Variants in DBF4B observed in about 807,000 individuals in gnomAD.
DBF4B encodes the protein protein DBF4 homolog B.
A neutral mutation model predicts 53.4 loss-of-function variants in DBF4B; 49 were observed. The observed-to-expected ratio is 0.92, with a 90% confidence interval of 0.73 to 1.16. The LOEUF (loss-of-function observed/expected upper bound fraction) is 1.16. DBF4B is among the 50% of genes most tolerant of loss of function. DBF4B has a pLI of 0.00. For synonymous variants in DBF4B, 257 were observed against 288.7 expected (o/e 0.89, Z 1.11); for missense variants, 692 against 775.0 (o/e 0.89, Z 1.27).
rs1015603758 is a variant in DBF4B at position 44,751,619 on chromosome 17, T to C, written c.*366T>C. Reference sequence around the variant, plus strand: ...CTCCTCTCCTGGAAAACACTTGAGTTGATTCAGTAAATCGACTTCAAATAC... The same window carrying C: ...CTCCTCTCCTGGAAAACACTTGAGTCGATTCAGTAAATCGACTTCAAATAC... On this transcript the variant is annotated 3_prime_UTR_variant, in exon 14 of 14. Coordinates refer to ENST00000315005, the MANE Select transcript of DBF4B (RefSeq NM_145663.3). The C allele has an allele frequency of 2.9e-6, 4 of 1,364,240 alleles. No homozygotes were observed. The African/African-American group carries it at 5.8e-5, about 20-fold the overall frequency. The allele number at this position is 1,364,240 out of a possible 1,614,324, so 84.5% of individuals were successfully genotyped here.
Position 44,737,818 on chromosome 17 carries a change from A to G in DBF4B, c.668-561A>G, listed in dbSNP as rs532383473. Among the ~76,000 whole-genome samples, 3 of 152,238 alleles carry G rather than the reference A, an allele frequency of 2.0e-5. No homozygotes were observed. The South Asian group carries it at 6.2e-4, about 32-fold the overall frequency. ...ATTTTACCTGTGATATTTTTCTACCATCCTGCTAATAAGACCACTAAACAC... is the reference window on the plus strand; with the variant it reads ...ATTTTACCTGTGATATTTTTCTACCGTCCTGCTAATAAGACCACTAAACAC... On this transcript the variant is annotated intron_variant, in intron 8 of 13. Coordinates refer to ENST00000315005, the MANE Select transcript of DBF4B (RefSeq NM_145663.3).
chr17:44,734,918 G>A (rs1266166137), intron 7 of DBF4B, among the ~76,000 whole-genome samples: 2 of 152,140 alleles, frequency 1.3e-5, no homozygotes, highest in African/African-American at 4.8e-5. Context: ...AGCCTGGCCA[G>A]TGTGGTGAAA....
Position 44,748,257 on chromosome 17 carries a change from G to A in DBF4B, c.1065-84G>A. 3 of 1,501,462 alleles carry A rather than the reference G, an allele frequency of 2.0e-6. No individual in the cohort carries two copies. In the South Asian group the frequency reaches 4.0e-5, roughly 20 times the overall value. The allele number at this position is 1,501,462 out of a possible 1,614,324, so 93.0% of individuals were successfully genotyped here. A position where few individuals can be genotyped will look rare whatever the true frequency, so the allele number is the denominator to read the frequency against. ...TCTCGGCACATGAACCGCCAGCTGT[G>A]GCAGCTCTCCCTGTGCCCTCAGCCC... On this transcript the variant is annotated intron_variant, in intron 12 of 13. Coordinates refer to ENST00000315005, the MANE Select transcript of DBF4B (RefSeq NM_145663.3).
Position 44,750,696 on chromosome 17 carries a change from C to T in DBF4B, c.1291C>T (p.Leu431=), listed in dbSNP as rs974974553. The T allele has an allele frequency of 6.2e-7, 1 of 1,614,012 alleles. No individual in the cohort carries two copies. The highest frequency in any genetic ancestry group is 1.3e-5 in the African/African-American group (1 of 74,936). The part of the protein sequence containing the change: ...SHTCVSATTL[L]PALPKGSREQ... ...CACATGTGTGAGTGCCACAACCCTC[C>T]TGCCGGCCTTGCCCAAGGGCTCCAG... Residue 431 remains leucine (L), a synonymous_variant, in exon 14 of 14, where the codon CTG becomes TTG. Transcript: ENST00000315005.
At chr17:44,727,073 TG>T in intron 3 of DBF4B, among the ~76,000 whole-genome samples, 1 of 102,274 alleles carries the variant, frequency 9.8e-6, no homozygotes, top group South Asian at 3.3e-4. Flanking sequence ...CACTCCAGCC[TG>T]GGCAACAAAG....
intron 5 of DBF4B, 138 bp downstream of exon 5, chr17:44,731,153 C>T: frequency 1.0e-6 from 1 of 1,001,072 alleles, no homozygotes. Context: ...TTTCCTTCTT[C>T]TACATCAGGT....
chr17:44,721,914 C>G (rs1973885006), intron 2 of DBF4B, among the ~76,000 whole-genome samples: 1 of 151,844 alleles, frequency 6.6e-6, no homozygotes, highest in Admixed American at 6.6e-5. Context: ...GCGAGCAGAT[C>G]ACCTGAGGTC....
At chr17:44,710,181 GAAA>G (rs532452254) in intron 2 of DBF4B, among the ~76,000 whole-genome samples, 76 of 147,470 alleles carry the variant, frequency 5.2e-4, no homozygotes, top group African/African-American at 1.8e-3. Context: ...TCAAAAAAAA[GAAA>G]AAAAAAATAC....
chr17:44,739,977 C>G (rs1024883179), intron 9 of DBF4B, among the ~76,000 whole-genome samples: 1 of 152,192 alleles, frequency 6.6e-6, no homozygotes. Context: ...GTTGGCCTGG[C>G]TGATCACAAA....
In DBF4B at chr17:44,752,074, A is replaced by T; in HGVS notation, c.*821A>T. ...CGCTGAGCCTTTCACTTCTCGGCAG[A>T]TGTGACCGATTGGTAGCTCCACCCC... On this transcript the variant is annotated 3_prime_UTR_variant, in exon 14 of 14. Coordinates refer to ENST00000315005, the MANE Select transcript of DBF4B (RefSeq NM_145663.3). The T allele has an allele frequency of 7.5e-7, 1 of 1,325,348 alleles. No individual in the cohort carries two copies. The highest frequency in any genetic ancestry group is 1.5e-5 in the African/African-American group (1 of 68,770). The allele number at this position is 1,325,348 out of a possible 1,614,324, so 82.1% of individuals were successfully genotyped here.
At chr17:44,736,192 C>T (rs1340091537) in intron 7 of DBF4B, among the ~76,000 whole-genome samples, 2 of 151,476 alleles carry the variant, frequency 1.3e-5, no homozygotes, top group African/African-American at 4.9e-5. Flanking sequence ...CTATGCTGCC[C>T]AGGCTGGTCT....
intron 11 of DBF4B, 96 bp from the exon 12 acceptor site, chr17:44,747,295 C>T: frequency 6.3e-7 from 1 of 1,594,382 alleles, no homozygotes; most frequent in African/African-American, 1.3e-5. Context: ...CTATGGCTGT[C>T]CTCCAGGGCC....
chr17:44,710,210 C>T (rs187380087), intron 2 of DBF4B, among the ~76,000 whole-genome samples: 1 of 152,246 alleles, frequency 6.6e-6, no homozygotes, highest in African/African-American at 2.4e-5. Context: ...ACTTTTACTT[C>T]TGGATTGTTA....
Position 44,719,975 on chromosome 17 carries a change from C to T in DBF4B, c.83-2905C>T, listed in dbSNP as rs539457630. 1.5e-5 allele frequency: 3 copies of T among 202,918 alleles called. 1 individual carries two copies. In the South Asian group the frequency reaches 3.0e-4, roughly 20 times the overall value. The allele number at this position is 202,918 out of a possible 1,614,324, so 12.6% of individuals were successfully genotyped here. A position where few individuals can be genotyped will look rare whatever the true frequency, so the allele number is the denominator to read the frequency against. On this transcript the variant is annotated intron_variant, in intron 2 of 13. Transcript: ENST00000315005. ...GGCTTCCACACCTTCTTAAAGTAAG[C>T]ACCAGTAAGACGTTTTGCAATTTTT...
intron 3 of DBF4B, among the ~76,000 whole-genome samples, chr17:44,726,286 G>GC (rs1974319148): frequency 1.5e-5 from 1 of 65,492 alleles, no homozygotes; most frequent in Non-Finnish European, 3.4e-5. Flanking sequence ...ATCGCACCCG[G>GC]CCCTTTTTTA....
intron 10 of DBF4B, among the ~76,000 whole-genome samples, chr17:44,743,028 A>T (rs1406779478): frequency 2.6e-5 from 4 of 152,214 alleles, no homozygotes; most frequent in African/African-American, 4.8e-5. Context: ...GAGGGAAAAA[A>T]TTAAGGGAAT....
chr17:44,752,069 G>C lies in DBF4B; in HGVS notation c.*816G>C, dbSNP rs940785211. ...CTTCTCGCTGAGCCTTTCACTTCTC[G>C]GCAGATGTGACCGATTGGTAGCTCC... On this transcript the variant is annotated 3_prime_UTR_variant, in exon 14 of 14. Transcript: ENST00000315005. 2.2e-6 allele frequency: 3 copies of C among 1,370,826 alleles called. No homozygotes were observed. The Admixed American group carries it at 5.9e-5, about 27-fold the overall frequency. The allele number at this position is 1,370,826 out of a possible 1,614,324, so 84.9% of individuals were successfully genotyped here.
At chr17:44,724,471 G>A (rs759561919) in intron 3 of DBF4B, among the ~76,000 whole-genome samples, 6 of 152,082 alleles carry the variant, frequency 3.9e-5, no homozygotes, top group Admixed American at 6.6e-5. Flanking sequence ...TCTGCCTCAC[G>A]GGTTCATGCC....
Position 44,749,085 on chromosome 17 carries a change from G to A in DBF4B, c.1189+620G>A. On this transcript the variant is annotated intron_variant, in intron 13 of 13. Coordinates refer to ENST00000315005, the MANE Select transcript of DBF4B (RefSeq NM_145663.3). The surrounding 1 kb of genome is among the most constrained non-coding windows in gnomAD (Gnocchi z 4.4). ...TCAGCTGCCCCACAGCTCCAGGCTG[G>A]CCATCAGCTCCCCTGTACTCAGCTA... 1.6e-6 allele frequency: 2 copies of A among 1,289,772 alleles called. No homozygotes were observed. The allele number at this position is 1,289,772 out of a possible 1,614,324, so 79.9% of individuals were successfully genotyped here.
Sources: gnomAD v4.1 joint callset for allele counts (sites outside exome capture counted in the v4.1 genomes callset) on GRCh38, gnomAD v4.1.1 for gene constraint, Gnocchi (gnomAD v3.1) non-coding constraint, MANE v1.5 for transcripts, NCBI Gene and HGNC (gene_info 2026-07-23, HGNC 2026-07-21) for gene names.